The following FBXO34 variants were observed in gnomAD, a reference collection of about 807,000 sequenced individuals.
FBXO34 encodes F-box protein 34, also known as F-box only protein 34.
In FBXO34, 12 loss-of-function variants were observed where a neutral mutation model predicts 24.5. The ratio of observed to expected loss-of-function variants is 0.49; its 90% confidence interval spans 0.31 to 0.79. The LOEUF (loss-of-function observed/expected upper bound fraction) is 0.79, where lower values mean the gene tolerates loss of function less well. FBXO34 is among the 30% of genes least tolerant of loss of function. The pLI is 0.04. For missense variants in FBXO34, 823 were observed against 857.7 expected (o/e 0.96, Z 0.51); for synonymous variants, 320 against 311.9 (o/e 1.03, Z -0.27).
At chr14:55,292,087 G>A (rs1206256086) in intron 1 of FBXO34, among the ~76,000 whole-genome samples, 1 of 152,038 alleles carries the variant, frequency 6.6e-6, no homozygotes, top group East Asian at 1.9e-4. Context: ...TGATCTTAAA[G>A]TACCCTTTAA....
Position 55,303,408 on chromosome 14 carries a change from A to G in FBXO34, c.-11+31871A>G, listed in dbSNP as rs1319618607. Among the ~76,000 whole-genome samples, 3 of 152,322 alleles carry G rather than the reference A, an allele frequency of 2.0e-5. No homozygotes were observed. In the East Asian group the frequency reaches 5.8e-4, roughly 29 times the overall value. On this transcript the variant is annotated intron_variant, in intron 1 of 1. Transcript: ENST00000313833. ...ACTAAGATGTAGCTTCTCTTAGGGC[A>G]GAATCCAGGCTTTATAGGACTTAAG...
intron 1 of FBXO34, among the ~76,000 whole-genome samples, chr14:55,322,733 A>G (rs1039693475): frequency 2.0e-5 from 3 of 152,116 alleles, no homozygotes; most frequent in Non-Finnish European, 4.4e-5. Flanking sequence ...TCCAAATAAA[A>G]GTTTAACGTT....
chr14:55,302,458 T>G (rs931633062), intron 1 of FBXO34, among the ~76,000 whole-genome samples: 58 of 150,762 alleles, frequency 3.8e-4, no homozygotes, highest in African/African-American at 6.6e-4. Flanking sequence ...TTTTTGTTTT[T>G]TTTTTTTTTT....
chr14:55,324,612 A>C (rs1000139506), intron 1 of FBXO34, among the ~76,000 whole-genome samples: 1 of 150,738 alleles, frequency 6.6e-6, no homozygotes, highest in African/African-American at 2.4e-5. Context: ...GTAATGATAG[A>C]TTTTTTTTTC....
intron 1 of FBXO34, chr14:55,326,112 A>G (rs1402244088): frequency 1.3e-5 from 2 of 152,228 alleles, no homozygotes; most frequent in African/African-American, 2.4e-5. Flanking sequence ...AGCATACACA[A>G]AGCACAGCTG....
the FBXO34 span, among the ~76,000 whole-genome samples, chr14:55,377,505 C>T: frequency 3.2e-4 from 48 of 152,110 alleles, no homozygotes; most frequent in African/African-American, 9.6e-4. Context: ...AAGAAATAGA[C>T]GCAGATCCAA....
the FBXO34 span, chr14:55,377,824 T>G: frequency 3.8e-6 from 6 of 1,576,534 alleles, no homozygotes; most frequent in Non-Finnish European, 5.1e-6. Flanking sequence ...CTTACCTGCC[T>G]AGGTGTTCAG....
the FBXO34 span, among the ~76,000 whole-genome samples, chr14:55,390,376 TTTTA>T: frequency 6.7e-6 from 1 of 150,314 alleles, no homozygotes; most frequent in African/African-American, 2.5e-5. Context: ...TGGCCAACTT[TTTTA>T]TTTTTTTCTT....
downstream of FBXO34, among the ~76,000 whole-genome samples, chr14:55,355,996 G>A (rs1289808256): frequency 3.9e-5 from 6 of 152,158 alleles, no homozygotes; most frequent in African/African-American, 1.2e-4. Context: ...GGGTTTGCTC[G>A]GTACCTCTCA....
downstream of FBXO34, among the ~76,000 whole-genome samples, chr14:55,365,166 G>A (rs35521171): frequency 4.1e-3 from 601 of 147,428 alleles, 5 homozygotes; most frequent in African/African-American, 0.014. Context: ...AGCCGAGATC[G>A]TGCCACTACA....
the FBXO34 span, among the ~76,000 whole-genome samples, chr14:55,416,806 C>T: frequency 6.6e-6 from 1 of 152,188 alleles, no homozygotes; most frequent in Non-Finnish European, 1.5e-5. Flanking sequence ...ACACACATGC[C>T]CCTCTCCCAA....
At chr14:55,397,353 G>C in the FBXO34 span, 1 of 1,608,090 alleles carries the variant, frequency 6.2e-7, no homozygotes, top group Middle Eastern at 1.7e-4. Context: ...CAAATTAAAA[G>C]ACAAAACAAA....
At chr14:55,432,591 TAA>T in the FBXO34 span, among the ~76,000 whole-genome samples, 14 of 152,238 alleles carry the variant, frequency 9.2e-5, no homozygotes, top group Middle Eastern at 3.2e-3. Flanking sequence ...TCTGCACTTC[TAA>T]AAAGTTATTT....
chr14:55,436,611 C>A, the FBXO34 span: 3 of 1,614,142 alleles, frequency 1.9e-6, no homozygotes, highest in Admixed American at 1.7e-5. Flanking sequence ...TCATTGGTGT[C>A]ATGGGAGTTA....
chr14:55,305,184 G>A (rs575781033), intron 1 of FBXO34, among the ~76,000 whole-genome samples: 2 of 152,298 alleles, frequency 1.3e-5, no homozygotes, highest in African/African-American at 4.8e-5. Context: ...AGGTCGAGGC[G>A]GGTGGATCAT....
the FBXO34 span, chr14:55,395,892 C>A: frequency 7.2e-7 from 1 of 1,381,130 alleles, no homozygotes; most frequent in Non-Finnish European, 9.7e-7. Context: ...GCTCTACCAA[C>A]TTAAAAACAT....
chr14:55,360,046 A>C (rs11626485), intron 3 of FBXO34, among the ~76,000 whole-genome samples: 1 of 151,750 alleles, frequency 6.6e-6, no homozygotes, highest in African/African-American at 2.4e-5. Flanking sequence ...TTGCTACTGC[A>C]CTCCAGCCTG....
chr14:55,398,958 A>G, the FBXO34 span, among the ~76,000 whole-genome samples: 10 of 152,212 alleles, frequency 6.6e-5, no homozygotes, highest in African/African-American at 2.4e-4. Flanking sequence ...ATGCTGCAGT[A>G]ACATGATGTG....
chr14:55,424,181 T>C, the FBXO34 span: 1 of 1,613,272 alleles, frequency 6.2e-7, no homozygotes, highest in Non-Finnish European at 8.5e-7. Context: ...CTTTTCCAGA[T>C]ACAAAGATAA....
Sources: gnomAD v4.1 joint callset for allele counts (sites outside exome capture counted in the v4.1 genomes callset) on GRCh38, gnomAD v4.1.1 for gene constraint, MANE v1.5 for transcripts, NCBI Gene and HGNC (gene_info 2026-07-23, HGNC 2026-07-21) for gene names.